SCN4B: variants seen among roughly 807,000 people sequenced by gnomAD.
SCN4B encodes sodium voltage-gated channel beta subunit 4.
SCN4B carries 20 observed loss-of-function variants against 19.6 expected under a neutral mutation model. The observed-to-expected ratio is 1.02, with a 90% CI of 0.72 to 1.48. The LOEUF is 1.48. SCN4B is among the 40% of genes most tolerant of loss of function. SCN4B has a pLI of 0.00. For missense variants in SCN4B, 271 were observed against 287.5 expected, an observed-to-expected ratio of 0.94 and a Z score of 0.42; for synonymous variants, 127 against 122.8, an observed-to-expected ratio of 1.03 and a Z score of -0.22.
chr11:118,150,345 G>A (rs1275071160), intron 1 of SCN4B, among the ~76,000 whole-genome samples: 1 of 152,196 alleles, frequency 6.6e-6, no homozygotes, highest in Non-Finnish European at 1.5e-5. Flanking sequence ...CAGTCTGTGA[G>A]ACTGGGTTTG....
Position 118,137,055 on chromosome 11 carries a change from G to A in SCN4B, c.659C>T (p.Ala220Val). The A allele has an allele frequency of 6.2e-7, 1 of 1,613,994 alleles. No individual in the cohort carries two copies. Among genetic ancestry groups the A allele is most frequent in the Non-Finnish European group, 8.5e-7 (1 of 1,179,826 alleles). The change falls in exon 5 of 5, where the codon GCA becomes GTA. Residue 220 changes from alanine to valine, a missense_variant. Ala to Val is a moderately conservative substitution (Grantham distance 64, BLOSUM62 0). Transcript: ENST00000324727. ...NTENGLPGSK[A>V]EEKPPSKV Reference sequence around the variant, plus strand: ...CACTTTTGAAGGTGGTTTCTCCTCTGCCTTGGAGCCAGGCAAGCCGTTCTC... The same window carrying A: ...CACTTTTGAAGGTGGTTTCTCCTCTACCTTGGAGCCAGGCAAGCCGTTCTC...
intron 3 of SCN4B, chr11:118,141,789 A>G (rs1484825603): frequency 9.6e-6 from 2 of 207,282 alleles, no homozygotes; most frequent in African/African-American, 4.7e-5. Context: ...AATTTTAAGC[A>G]TGGGATTTAA....
chr11:118,143,301 A>T (rs1432111846), intron 3 of SCN4B, among the ~76,000 whole-genome samples: 1 of 152,204 alleles, frequency 6.6e-6, no homozygotes, highest in African/African-American at 2.4e-5. Flanking sequence ...GACAAGGGCC[A>T]TGTCTTACTC....
intron 3 of SCN4B, 63 bp from the exon 4 acceptor site, chr11:118,141,399 G>A (rs1427859814): frequency 5.6e-6 from 9 of 1,605,394 alleles, no homozygotes; most frequent in African/African-American, 5.4e-5. Flanking sequence ...ACCTGGAGCC[G>A]AGAACTGTGG....
At position 118,148,217 on chromosome 11, in the gene SCN4B, G is replaced by A. The variant is rs1948201512; in HGVS notation, c.62-2988C>T. On this transcript the variant is annotated intron_variant, in intron 1 of 4. Transcript: ENST00000324727. This position sits in a 1 kb window ranked among gnomAD's most constrained non-coding sequence, Gnocchi z 4.0. The stretch of plus-strand genomic sequence containing the variant: ...GCCCTGCCCGAGTGAAAGCATCAGA[G>A]AGGGTGGGCAAGCCTGGCTTCTTCA... Among the ~76,000 whole-genome samples the A allele has an allele frequency of 6.6e-6, 1 of 152,236 alleles. No homozygotes were observed. The highest frequency in any genetic ancestry group is 1.5e-5 in the Non-Finnish European group (1 of 68,044).
In SCN4B at chr11:118,144,158, C is replaced by T. The variant is rs112525313; in HGVS notation, c.235-97G>A. ...ACACCAGCCCACTCCTTGGATGCCT[C>T]CCCTGTCCAGGACCAGGAAGAGCCT... On this transcript the variant is annotated intron_variant, in intron 2 of 4. Coordinates refer to ENST00000324727, the MANE Select transcript of SCN4B (RefSeq NM_174934.4). 0.063 allele frequency: 51,432 copies of T among 818,526 alleles called. 1,937 individuals carry two copies. The highest frequency in any genetic ancestry group is 0.08 in the Non-Finnish European group (37,504 of 471,448). The allele number at this position is 818,526 out of a possible 1,614,324, so 50.7% of individuals were successfully genotyped here.
chr11:118,140,307 C>A (rs1429098966), intron 4 of SCN4B, among the ~76,000 whole-genome samples: 3 of 152,180 alleles, frequency 2.0e-5, no homozygotes, highest in Non-Finnish European at 4.4e-5. Flanking sequence ...AGCCCCAGCG[C>A]TGCTACCTGT....
intron 1 of SCN4B, among the ~76,000 whole-genome samples, chr11:118,150,640 C>T (rs1449697260): frequency 6.6e-6 from 1 of 152,246 alleles, no homozygotes; most frequent in Non-Finnish European, 1.5e-5. Flanking sequence ...CACCATCCCT[C>T]TCTGGACCAT....
At chr11:118,146,312 C>T (rs535919042) in intron 1 of SCN4B, among the ~76,000 whole-genome samples, 2 of 152,002 alleles carry the variant, frequency 1.3e-5, no homozygotes, top group South Asian at 2.1e-4. Context: ...CCCCGCCCCA[C>T]ACACACACCC....
Position 118,135,281 on chromosome 11 carries a change from C to T in SCN4B, c.*1746G>A, listed in dbSNP as rs1947979113. Reference sequence around the variant, plus strand: ...GGGACACTGGCCACAGCCACGGGCACCCTGCAGGTACTACTGGTCCTCAGT... The same window carrying T: ...GGGACACTGGCCACAGCCACGGGCATCCTGCAGGTACTACTGGTCCTCAGT... On this transcript the variant is annotated 3_prime_UTR_variant, in exon 5 of 5. Transcript: ENST00000324727. The T allele has an allele frequency of 2.2e-6, 1 of 453,900 alleles. No individual in the cohort carries two copies. Among genetic ancestry groups the T allele is most frequent in the Admixed American group, 2.4e-5 (1 of 42,548 alleles). 28.1% of individuals were successfully genotyped at this position (453,900 alleles called of 1,614,324 possible).
At position 118,133,917 on chromosome 11, in the gene SCN4B, C is replaced by G; in HGVS notation, c.*3110G>C. On this transcript the variant is annotated 3_prime_UTR_variant, in exon 5 of 5. Transcript: ENST00000324727. ...TAGCTCAGGCCAAGAAAGACGGCTC[C>G]TCAAATGTCCAGCATCTGCCCATCA... is the stretch of plus-strand genomic sequence containing the variant. 2.2e-6 allele frequency: 1 copy of G among 454,506 alleles called. No individual in the cohort carries two copies. The highest frequency in any genetic ancestry group is 4.4e-6 in the Non-Finnish European group (1 of 226,792). 28.2% of individuals were successfully genotyped at this position (454,506 alleles called of 1,614,324 possible).
At chr11:118,149,795 G>T (rs1299383419) in intron 1 of SCN4B, among the ~76,000 whole-genome samples, 1 of 152,170 alleles carries the variant, frequency 6.6e-6, no homozygotes, top group African/African-American at 2.4e-5. Context: ...GGTCTGCTGT[G>T]CCCAGTCTCC....
At chr11:118,142,033 T>C (rs1016426490) in intron 3 of SCN4B, among the ~76,000 whole-genome samples, 5 of 152,226 alleles carry the variant, frequency 3.3e-5, no homozygotes, top group African/African-American at 1.2e-4. Context: ...TCCTGACAGC[T>C]CTAACTTTAA....
At position 118,133,452 on chromosome 11, in the gene SCN4B, C is replaced by G; in HGVS notation, c.*3575G>C. The stretch of plus-strand genomic sequence containing the variant: ...ACAATGCAAAACTTGTTGTAGAGGC[C>G]AGACTGATTATATCCGTTCTGTGCT... On this transcript the variant is annotated 3_prime_UTR_variant, in exon 5 of 5. Transcript: ENST00000324727. 2.2e-6 allele frequency: 1 copy of G among 449,608 alleles called. No individual in the cohort carries two copies. The highest frequency in any genetic ancestry group is 4.5e-6 in the Non-Finnish European group (1 of 223,232). The allele number at this position is 449,608 out of a possible 1,614,324, so 27.9% of individuals were successfully genotyped here.
chr11:118,151,515 GTAAA>G (rs1354720080), intron 1 of SCN4B, among the ~76,000 whole-genome samples: 4 of 152,168 alleles, frequency 2.6e-5, no homozygotes, highest in African/African-American at 4.8e-5. Context: ...CGGTACAGAG[GTAAA>G]TAAACATCCC....
chr11:118,152,322 G>A (rs907227202), intron 1 of SCN4B, among the ~76,000 whole-genome samples: 1 of 152,144 alleles, frequency 6.6e-6, no homozygotes, highest in Non-Finnish European at 1.5e-5. Context: ...CTGGAGACCC[G>A]CGCTGCAGCC....
chr11:118,145,033 A>G (rs936967548), intron 2 of SCN4B, 24 bp downstream of exon 2: 2 of 1,611,858 alleles, frequency 1.2e-6, no homozygotes, highest in Non-Finnish European at 1.7e-6. Context: ...GCTGGGCTGT[A>G]CTGTTCTTCC....
rs190058611 is a variant in SCN4B at position 118,146,257 on chromosome 11, A to G, written c.62-1028T>C. On this transcript the variant is annotated intron_variant, in intron 1 of 4. Coordinates refer to ENST00000324727, the MANE Select transcript of SCN4B (RefSeq NM_174934.4). Reference sequence around the variant, plus strand: ...TAGGCCTCTCCACTCACGGCCTCCAAACTCCCGCTCCGGAGTCCTTGTAAG... The same window carrying G: ...TAGGCCTCTCCACTCACGGCCTCCAGACTCCCGCTCCGGAGTCCTTGTAAG... Among the ~76,000 whole-genome samples the G allele has an allele frequency of 7.5e-3, 1,144 of 152,042 alleles. 18 individuals carry two copies. The highest frequency in any genetic ancestry group is 0.026 in the African/African-American group (1,096 of 41,478).
intron 2 of SCN4B, 100 bp downstream of exon 2, chr11:118,144,957 G>A: frequency 8.3e-7 from 1 of 1,207,284 alleles, no homozygotes; most frequent in Non-Finnish European, 1.2e-6. Flanking sequence ...GGGTTCTGGG[G>A]ACCATCGCAG....
Sources: allele counts gnomAD v4.1 joint callset (sites outside exome capture counted in the v4.1 genomes callset), GRCh38; gene constraint gnomAD v4.1.1; non-coding constraint Gnocchi (gnomAD v3.1); transcripts MANE v1.5; gene names NCBI Gene and HGNC (gene_info 2026-07-23, HGNC 2026-07-21).